The following SUGCT variants were observed in gnomAD, a reference collection of about 807,000 sequenced individuals.
SUGCT encodes succinyl-CoA:glutarate-CoA transferase.
A neutral mutation model predicts 55.0 loss-of-function variants in SUGCT; 41 were observed. The observed-to-expected ratio is 0.74, with a 90% CI of 0.58 to 0.97. SUGCT has a LOEUF of 0.97. Ranked by LOEUF, SUGCT falls within the 50% of genes least tolerant of loss-of-function variation. SUGCT has a pLI of 0.00. For missense variants in SUGCT, 568 were observed against 547.8 expected (o/e 1.04, Z -0.37); for synonymous variants, 187 against 200.4 (o/e 0.93, Z 0.56).
intron 13 of SUGCT, among the ~76,000 whole-genome samples, chr7:40,826,232 T>G (rs1792302358): frequency 6.6e-6 from 1 of 152,180 alleles, no homozygotes; most frequent in African/African-American, 2.4e-5. Context: ...ATACATGAGG[T>G]GAAGTAATTC....
chr7:40,788,028 C>T (rs575852932), intron 13 of SUGCT, among the ~76,000 whole-genome samples: 1 of 152,286 alleles, frequency 6.6e-6, no homozygotes, highest in Non-Finnish European at 1.5e-5. Flanking sequence ...AGTAATAAGC[C>T]ACTCACTCTA....
At chr7:40,316,633 C>G in intron 8 of SUGCT, 127 bp from the exon 9 acceptor site, 3 of 580,368 alleles carry the variant, frequency 5.2e-6, no homozygotes, top group African/African-American at 1.9e-5. Flanking sequence ...TATTTTCTAA[C>G]TTGATGGACA....
intron 12 of SUGCT, among the ~76,000 whole-genome samples, chr7:40,601,538 T>G (rs1173877341): frequency 6.6e-6 from 1 of 152,230 alleles, no homozygotes; most frequent in Non-Finnish European, 1.5e-5. Flanking sequence ...CTGTGGTTCA[T>G]TACCATGAAA....
intron 12 of SUGCT, among the ~76,000 whole-genome samples, chr7:40,709,121 T>C (rs1275085159): frequency 1.3e-5 from 2 of 152,094 alleles, no homozygotes; most frequent in African/African-American, 4.8e-5. Flanking sequence ...TTTAGAAGAG[T>C]CACTAGGGAT....
At chr7:40,414,252 G>A (rs1786847670) in intron 9 of SUGCT, among the ~76,000 whole-genome samples, 1 of 152,106 alleles carries the variant, frequency 6.6e-6, no homozygotes, top group Non-Finnish European at 1.5e-5. Flanking sequence ...AAATTCATTA[G>A]ATTTAAATTG....
chr7:40,904,288 A>G, the SUGCT span, among the ~76,000 whole-genome samples: 1 of 152,188 alleles, frequency 6.6e-6, no homozygotes, highest in African/African-American at 2.4e-5. Context: ...AATAGGGCAA[A>G]TAAAGGGGCT....
chr7:40,570,008 C>G (rs1796357148), intron 12 of SUGCT, among the ~76,000 whole-genome samples: 1 of 152,100 alleles, frequency 6.6e-6, no homozygotes, highest in African/African-American at 2.4e-5. Context: ...GCATTAGCCA[C>G]ATTGTTATAA....
the SUGCT span, among the ~76,000 whole-genome samples, chr7:40,959,931 T>A: frequency 1.3e-5 from 2 of 151,526 alleles, no homozygotes; most frequent in Non-Finnish European, 2.9e-5. Flanking sequence ...GGGGAGGGAG[T>A]TCCCTGACCC....
At chr7:40,179,674 G>A (rs1316899155) in intron 1 of SUGCT, among the ~76,000 whole-genome samples, 1 of 152,208 alleles carries the variant, frequency 6.6e-6, no homozygotes, top group Non-Finnish European at 1.5e-5. Flanking sequence ...TTCCAAGATG[G>A]CTTCATCCAG....
At chr7:40,469,941 A>T (rs1000128808) in intron 11 of SUGCT, among the ~76,000 whole-genome samples, 4 of 152,188 alleles carry the variant, frequency 2.6e-5, no homozygotes, top group African/African-American at 7.2e-5. Context: ...TTAGAGTCCT[A>T]AACACTTGGG....
At chr7:40,192,298 G>A (rs1785963812) in intron 5 of SUGCT, among the ~76,000 whole-genome samples, 1 of 152,026 alleles carries the variant, frequency 6.6e-6, no homozygotes, top group Admixed American at 6.6e-5. Flanking sequence ...ACCAAAAACA[G>A]GTTGTGTAAA....
the SUGCT span, among the ~76,000 whole-genome samples, chr7:40,971,659 C>G: frequency 6.6e-6 from 1 of 152,198 alleles, no homozygotes; most frequent in South Asian, 2.1e-4. Flanking sequence ...ACCTCAGATT[C>G]TAAATGTTAG....
At chr7:40,211,059 C>G (rs1217073989) in intron 6 of SUGCT, among the ~76,000 whole-genome samples, 3 of 151,358 alleles carry the variant, frequency 2.0e-5, no homozygotes, top group South Asian at 2.1e-4. Flanking sequence ...TCACTGTAAC[C>G]TCCACCTCCT....
At chr7:40,699,979 C>A in intron 12 of SUGCT, among the ~76,000 whole-genome samples, 1 of 147,486 alleles carries the variant, frequency 6.8e-6, no homozygotes, top group Non-Finnish European at 1.5e-5. Flanking sequence ...TCTCTGTGAG[C>A]CTTCCTGAAA....
intron 12 of SUGCT, among the ~76,000 whole-genome samples, chr7:40,600,038 C>T (rs1239282917): frequency 1.3e-5 from 2 of 152,172 alleles, no homozygotes; most frequent in African/African-American, 4.8e-5. Context: ...TCTGGAGAAA[C>T]ATTTCTTGTG....
At chr7:40,402,224 G>A (rs1786110875) in intron 9 of SUGCT, among the ~76,000 whole-genome samples, 1 of 151,828 alleles carries the variant, frequency 6.6e-6, no homozygotes, top group Non-Finnish European at 1.5e-5. Flanking sequence ...TAGAACGTGT[G>A]CTATTAAGCA....
At chr7:40,936,043 T>A in the SUGCT span, among the ~76,000 whole-genome samples, 13 of 152,132 alleles carry the variant, frequency 8.5e-5, no homozygotes, top group African/African-American at 3.1e-4. Context: ...TGATGGAAAA[T>A]TTTCTATTCA....
intron 9 of SUGCT, chr7:40,387,859 C>G (rs529216291): frequency 9.2e-5 from 14 of 152,280 alleles, no homozygotes; most frequent in African/African-American, 3.4e-4. Context: ...TCATCGTCCT[C>G]TAACTGTTCC....
chr7:40,675,538 T>C (rs1783928327), intron 12 of SUGCT, among the ~76,000 whole-genome samples: 1 of 152,122 alleles, frequency 6.6e-6, no homozygotes. Flanking sequence ...GAGGCCTGGA[T>C]TAATAGAAGC....
Sources: allele counts gnomAD v4.1 joint callset (sites outside exome capture counted in the v4.1 genomes callset), GRCh38; gene constraint gnomAD v4.1.1; transcripts MANE v1.5; gene names NCBI Gene and HGNC (gene_info 2026-07-23, HGNC 2026-07-21).